The following FRMD3 variants were observed in gnomAD, a reference collection of about 807,000 sequenced individuals.
FRMD3 encodes the protein FERM domain-containing protein 3.
A neutral mutation model predicts 70.2 loss-of-function variants in FRMD3; 33 were observed. That is an observed-to-expected ratio of 0.47 (90% CI 0.36 to 0.63). FRMD3 has a LOEUF of 0.63. Among genes scored for constraint, FRMD3 ranks in the 20% least tolerant of loss-of-function variants. The pLI is 0.00. For synonymous variants in FRMD3, 279 were observed against 255.9 expected (o/e 1.09, Z -0.86); for missense variants, 632 against 711.4 (o/e 0.89, Z 1.27).
chr9:83,409,559 G>A (rs1226284525), intron 1 of FRMD3, among the ~76,000 whole-genome samples: 1 of 152,208 alleles, frequency 6.6e-6, no homozygotes, highest in East Asian at 1.9e-4. Flanking sequence ...AGAGGAAATT[G>A]GCCACAGCAA....
chr9:83,266,990 C>T (rs1833290280), intron 13 of FRMD3: 1 of 1,547,726 alleles, frequency 6.5e-7, no homozygotes, highest in African/African-American at 1.4e-5. Context: ...AACAGGATGA[C>T]AGCCCAGGGC....
At chr9:83,348,300 T>C (rs1043912700) in intron 4 of FRMD3, among the ~76,000 whole-genome samples, 3 of 152,144 alleles carry the variant, frequency 2.0e-5, no homozygotes, top group African/African-American at 7.2e-5. Flanking sequence ...CCCTGGGTAG[T>C]AACAGCAAGT....
chr9:83,399,007 C>T (rs1825878797), intron 1 of FRMD3, among the ~76,000 whole-genome samples: 1 of 152,188 alleles, frequency 6.6e-6, no homozygotes, highest in South Asian at 2.1e-4. Context: ...AACTGCTTAT[C>T]TAATGCCCAT....
At chr9:83,281,651 C>A (rs1833974917) in intron 13 of FRMD3, 1 of 152,168 alleles carries the variant, frequency 6.6e-6, no homozygotes, top group African/African-American at 2.4e-5. Flanking sequence ...TTAGAACCAG[C>A]CCTGGAATGA....
chr9:83,466,249 G>A (rs1312101739), intron 1 of FRMD3, among the ~76,000 whole-genome samples: 2 of 152,236 alleles, frequency 1.3e-5, no homozygotes, highest in African/African-American at 4.8e-5. Flanking sequence ...ACCATGATCA[G>A]TAGAGGTGGG....
chr9:83,315,140 T>G (rs563793756), intron 6 of FRMD3, among the ~76,000 whole-genome samples: 82 of 152,278 alleles, frequency 5.4e-4, no homozygotes, highest in South Asian at 4.2e-4. Context: ...CAGCTCATGA[T>G]CATGAATTCC....
At chr9:83,490,551 G>A (rs1828793569) in intron 1 of FRMD3, among the ~76,000 whole-genome samples, 1 of 151,938 alleles carries the variant, frequency 6.6e-6, no homozygotes, top group South Asian at 2.1e-4. Context: ...CAAAGTGCTG[G>A]GATTACAGAC....
At chr9:83,435,610 T>A (rs1451704392) in intron 1 of FRMD3, among the ~76,000 whole-genome samples, 2 of 151,976 alleles carry the variant, frequency 1.3e-5, no homozygotes, top group East Asian at 3.9e-4. Flanking sequence ...TATTTTAACC[T>A]GGATAGCTTA....
chr9:83,355,473 A>G (rs1263658502), intron 3 of FRMD3, among the ~76,000 whole-genome samples: 4 of 152,208 alleles, frequency 2.6e-5, no homozygotes, highest in Admixed American at 6.5e-5. Flanking sequence ...CAGGGTGGTG[A>G]AAACCCCAAA....
intron 1 of FRMD3, chr9:83,467,758 T>C: frequency 6.7e-7 from 1 of 1,500,786 alleles, no homozygotes; most frequent in Non-Finnish European, 8.9e-7. Context: ...CTAAGCTCGC[T>C]GCAGTTTGAA....
At chr9:83,266,438 T>A (rs538215322) in intron 13 of FRMD3, among the ~76,000 whole-genome samples, 81 of 152,364 alleles carry the variant, frequency 5.3e-4, no homozygotes, top group African/African-American at 1.8e-3. Flanking sequence ...AAGCTCTAAC[T>A]TTTTAAGTTC....
chr9:83,438,413 T>TTTTTGTTTTG (rs1554705415), intron 1 of FRMD3, among the ~76,000 whole-genome samples: 2 of 151,126 alleles, frequency 1.3e-5, no homozygotes, highest in East Asian at 2.0e-4. Context: ...GAGAGTTTTT[T>TTTTTGTTTTG]TTTTGTTTTG....
Position 83,245,613 on chromosome 9 carries a change from T to A in FRMD3, c.*2305A>T, listed in dbSNP as rs1408105. Reference sequence around the variant, plus strand: ...ATGTGATATTTATACTATCATATTTTTTAAGTATTTTACAATGGAAAATAT... The same window carrying A: ...ATGTGATATTTATACTATCATATTTATTAAGTATTTTACAATGGAAAATAT... On this transcript the variant is annotated 3_prime_UTR_variant, in exon 14 of 14. Coordinates refer to ENST00000304195, the MANE Select transcript of FRMD3 (RefSeq NM_174938.6). The A allele has an allele frequency of 0.61, 481,766 of 794,560 alleles. 150,441 individuals carry two copies. Among genetic ancestry groups the A allele is most frequent in the South Asian group, 0.67 (11,528 of 17,296 alleles). 49.2% of individuals were successfully genotyped at this position (794,560 alleles called of 1,614,324 possible). A position where few individuals can be genotyped will look rare whatever the true frequency, so the allele number is the denominator to read the frequency against.
At chr9:83,523,132 G>A (rs1005461102) in intron 1 of FRMD3, among the ~76,000 whole-genome samples, 2 of 151,956 alleles carry the variant, frequency 1.3e-5, no homozygotes, top group African/African-American at 4.8e-5. Context: ...TTCAATAAAT[G>A]TTTGTTTGGT....
chr9:83,584,229 G>C, the FRMD3 span, among the ~76,000 whole-genome samples: 3 of 151,936 alleles, frequency 2.0e-5, no homozygotes, highest in Non-Finnish European at 4.4e-5. Flanking sequence ...CCAGCTACTC[G>C]GGACCTGGGA....
intron 1 of FRMD3, among the ~76,000 whole-genome samples, chr9:83,428,524 C>CAT (rs919619771): frequency 2.0e-5 from 3 of 151,398 alleles, no homozygotes; most frequent in Non-Finnish European, 2.9e-5. Context: ...CACACACACA[C>CAT]ATATATATAC....
In FRMD3 at chr9:83,431,205, T is replaced by C. The variant is rs61674616; in HGVS notation, c.148-41497A>G. Among the ~76,000 whole-genome samples the C allele has an allele frequency of 3.7e-3, 557 of 152,348 alleles. 2 individuals are homozygous for C. The highest frequency in any genetic ancestry group is 0.013 in the African/African-American group (533 of 41,572). ...TTGAGAACATCAGCCAGTTCAGATG[T>C]ACGCCTTCCCTCATCTAACTAGTCT... On this transcript the variant is annotated intron_variant, in intron 1 of 13. Transcript: ENST00000304195.
intron 1 of FRMD3, among the ~76,000 whole-genome samples, chr9:83,448,405 C>T (rs1352786004): frequency 2.0e-5 from 3 of 152,116 alleles, no homozygotes; most frequent in Admixed American, 2.0e-4. Context: ...TACCCCACTG[C>T]TGAGGTTGAA....
intron 1 of FRMD3, among the ~76,000 whole-genome samples, chr9:83,507,467 A>G (rs1476755273): frequency 2.0e-5 from 3 of 150,284 alleles, no homozygotes; most frequent in African/African-American, 7.3e-5. Flanking sequence ...GGAGATCGAG[A>G]CCATCCTGGC....
Sources: allele counts gnomAD v4.1 joint callset (sites outside exome capture counted in the v4.1 genomes callset), GRCh38; gene constraint gnomAD v4.1.1; transcripts MANE v1.5; gene names NCBI Gene and HGNC (gene_info 2026-07-23, HGNC 2026-07-21).